IGF2BP2: variants seen among roughly 807,000 people sequenced by gnomAD.
The protein encoded by IGF2BP2 is insulin like growth factor 2 mRNA binding protein 2, also known as insulin-like growth factor 2 mRNA-binding protein 2.
A neutral mutation model predicts 75.8 loss-of-function variants in IGF2BP2; 17 were observed. The observed-to-expected ratio is 0.22, with a 90% CI of 0.15 to 0.34. The LOEUF (loss-of-function observed/expected upper bound fraction) is 0.34, where lower values mean the gene tolerates loss of function less well. Ranked by LOEUF, IGF2BP2 falls within the 10% of genes least tolerant of loss-of-function variation. The pLI is 1.00. For synonymous variants in IGF2BP2, 288 were observed against 295.6 expected (o/e 0.97, Z 0.26); for missense variants, 516 against 772.4 (o/e 0.67, Z 3.93).
At chr3:185,769,388 T>G (rs1733556529) in intron 2 of IGF2BP2, among the ~76,000 whole-genome samples, 1 of 151,964 alleles carries the variant, frequency 6.6e-6, no homozygotes, top group Non-Finnish European at 1.5e-5. Context: ...GAATCTATTG[T>G]TTAAAACGGA....
chr3:185,823,298 C>T (rs1179801778), intron 1 of IGF2BP2, 85 bp from the exon 2 acceptor site: 2 of 1,065,998 alleles, frequency 1.9e-6, no homozygotes, highest in Admixed American at 2.6e-5. Context: ...GAACTCCACG[C>T]TCGGGCTCCG....
chr3:185,740,834 G>A (rs1729449072), intron 2 of IGF2BP2, among the ~76,000 whole-genome samples: 1 of 152,164 alleles, frequency 6.6e-6, no homozygotes, highest in Non-Finnish European at 1.5e-5. Flanking sequence ...GTCAAGAGTA[G>A]CTGCAAGTTG....
intron 2 of IGF2BP2, among the ~76,000 whole-genome samples, chr3:185,795,456 T>A (rs1002219381): frequency 2.0e-5 from 3 of 152,196 alleles, no homozygotes; most frequent in African/African-American, 7.2e-5. Context: ...TCTGTTCTAG[T>A]CCCTGCTTTC....
chr3:185,677,068 T>TATATATATATATAGAG, intron 7 of IGF2BP2, among the ~76,000 whole-genome samples: 45 of 35,848 alleles, frequency 1.3e-3, no homozygotes, highest in South Asian at 2.2e-3. Context: ...TATATATATA[T>TATATATATATATAGAG]AGAGAGAGAG....
At chr3:185,696,424 C>G (rs1232614763) in intron 4 of IGF2BP2, 188 bp downstream of exon 4, 1 of 588,744 alleles carries the variant, frequency 1.7e-6, no homozygotes, top group Non-Finnish European at 3.0e-6. Context: ...CATAGACATA[C>G]ATAGAAAGAG....
At chr3:185,714,425 A>C (rs1009101949) in intron 2 of IGF2BP2, among the ~76,000 whole-genome samples, 2 of 152,202 alleles carry the variant, frequency 1.3e-5, no homozygotes, top group East Asian at 1.9e-4. Flanking sequence ...ACGTGTGAGC[A>C]TATCTTGGAA....
rs570626045 is a variant in IGF2BP2 at position 185,768,330 on chromosome 3, C to T, written c.239+54823G>A. On this transcript the variant is annotated intron_variant, in intron 2 of 15. Transcript: ENST00000382199. ...TAAGTGAAACAGTGAAGAACCTGGGCGACATGAGTATGTAGTTAGAGGTGT... is the reference window on the plus strand; with the variant it reads ...TAAGTGAAACAGTGAAGAACCTGGGTGACATGAGTATGTAGTTAGAGGTGT... Among the ~76,000 whole-genome samples the T allele has an allele frequency of 3.3e-5, 5 of 152,228 alleles. No individual in the cohort carries two copies. In the South Asian group the frequency reaches 6.2e-4, roughly 19 times the overall value.
chr3:185,681,839 G>A (rs892133110), intron 7 of IGF2BP2, among the ~76,000 whole-genome samples: 3 of 152,088 alleles, frequency 2.0e-5, no homozygotes, highest in African/African-American at 4.8e-5. Context: ...TCAGCAGATG[G>A]TGCTGGGGAA....
At chr3:185,723,518 C>T (rs916330109) in intron 2 of IGF2BP2, among the ~76,000 whole-genome samples, 6 of 152,294 alleles carry the variant, frequency 3.9e-5, no homozygotes, top group Admixed American at 3.3e-4. Flanking sequence ...ACCTTCTTCC[C>T]ACCCCAGTGT....
intron 2 of IGF2BP2, chr3:185,821,124 C>T: frequency 6.6e-7 from 1 of 1,506,126 alleles, no homozygotes; most frequent in Middle Eastern, 1.7e-4. Flanking sequence ...CTATCTCTCC[C>T]TTAGCCTGCA....
At chr3:185,709,329 C>G (rs1560333275) in intron 2 of IGF2BP2, among the ~76,000 whole-genome samples, 2 of 152,200 alleles carry the variant, frequency 1.3e-5, no homozygotes, top group African/African-American at 2.4e-5. Context: ...TTTCCTTCCT[C>G]CCCTACTACC....
intron 12 of IGF2BP2, among the ~76,000 whole-genome samples, chr3:185,655,057 C>T (rs919471402): frequency 2.0e-5 from 3 of 152,204 alleles, no homozygotes; most frequent in African/African-American, 7.2e-5. Flanking sequence ...GTGAGATCAT[C>T]CATCTTGCTT....
At chr3:185,770,721 G>C (rs75974105) in intron 2 of IGF2BP2, among the ~76,000 whole-genome samples, 7,227 of 152,258 alleles carry the variant, frequency 0.047, 202 homozygotes, top group South Asian at 0.11. Flanking sequence ...CAAAGAGACT[G>C]TAATAGATGA....
intron 2 of IGF2BP2, among the ~76,000 whole-genome samples, chr3:185,784,175 T>C (rs1735565036): frequency 6.6e-6 from 1 of 152,082 alleles, no homozygotes; most frequent in South Asian, 2.1e-4. Context: ...ACAGAGGTTA[T>C]AGTGAGCTGA....
At chr3:185,709,314 G>C (rs542396249) in intron 2 of IGF2BP2, among the ~76,000 whole-genome samples, 1 of 152,288 alleles carries the variant, frequency 6.6e-6, no homozygotes, top group African/African-American at 2.4e-5. Flanking sequence ...ACTTGAATCT[G>C]TCCCTTTCCT....
At chr3:185,686,984 C>A (rs773657215) in intron 7 of IGF2BP2, 73 bp downstream of exon 7, 67 of 1,535,498 alleles carry the variant, frequency 4.4e-5, no homozygotes, top group Non-Finnish European at 5.9e-5. Flanking sequence ...TTAAAAAAAA[C>A]CTCTTGGGTT....
At position 185,657,413 on chromosome 3, in the gene IGF2BP2, G is replaced by A. The variant is rs375395946; in HGVS notation, c.1270-11C>T. On this transcript the variant is annotated splice_polypyrimidine_tract_variant and intron_variant, in intron 11 of 15. Transcript: ENST00000382199. ...CTCCTGCTCTGGATACTGGGAGGGC[G>A]AGACAAGAAAGAAGACATCATTCCA... The A allele has an allele frequency of 2.8e-5, 45 of 1,594,974 alleles. No individual in the cohort carries two copies. Among genetic ancestry groups the A allele is most frequent in the South Asian group, 4.4e-5 (4 of 90,100 alleles).
At chr3:185,661,672 T>C (rs1336787515) in intron 10 of IGF2BP2, among the ~76,000 whole-genome samples, 2 of 142,896 alleles carry the variant, frequency 1.4e-5, no homozygotes, top group African/African-American at 5.1e-5. Flanking sequence ...TCTGAGCACC[T>C]ACTCTGTGGG....
intron 2 of IGF2BP2, among the ~76,000 whole-genome samples, chr3:185,712,208 C>T (rs1724902331): frequency 6.6e-6 from 1 of 152,034 alleles, no homozygotes; most frequent in Non-Finnish European, 1.5e-5. Flanking sequence ...TTAATAGCAC[C>T]CTGATTACCA....
Sources: gnomAD v4.1 joint callset for allele counts (sites outside exome capture counted in the v4.1 genomes callset) on GRCh38, gnomAD v4.1.1 for gene constraint, MANE v1.5 for transcripts, NCBI Gene and HGNC (gene_info 2026-07-23, HGNC 2026-07-21) for gene names.